Variants in SLC17A5 observed in about 807,000 individuals in gnomAD.
SLC17A5 encodes sialin.
In SLC17A5, 47 loss-of-function variants were observed where a neutral mutation model predicts 59.4. The ratio of observed to expected loss-of-function variants is 0.79; its 90% CI spans 0.63 to 1.01. The LOEUF (loss-of-function observed/expected upper bound fraction) is 1.01. Ranked by LOEUF, SLC17A5 falls within the 50% of genes least tolerant of loss-of-function variation. SLC17A5 has a pLI of 0.00. For missense variants in SLC17A5, 522 were observed against 595.5 expected (o/e 0.88, Z 1.28); for synonymous variants, 202 against 210.7 (o/e 0.96, Z 0.36).
rs560914145 is a variant in SLC17A5 at position 73,594,277 on chromosome 6, C to T, written c.*800G>A. On this transcript the variant is annotated 3_prime_UTR_variant, in exon 11 of 11. Transcript: ENST00000355773. ...TCATGATTCGCCCACCTCAGCCCCCCAAAGTGCTGGGATTACAGGCATGAG... is the reference window on the plus strand; with the variant it reads ...TCATGATTCGCCCACCTCAGCCCCCTAAAGTGCTGGGATTACAGGCATGAG... 6.6e-6 allele frequency: 1 copy of T among 152,446 alleles called. No homozygotes were observed. Among genetic ancestry groups the T allele is most frequent in the South Asian group, 2.1e-4 (1 of 4,828 alleles). 9.4% of individuals were successfully genotyped at this position (152,446 alleles called of 1,614,324 possible). A position where few individuals can be genotyped will look rare whatever the true frequency, so the allele number is the denominator to read the frequency against.
intron 8 of SLC17A5, among the ~76,000 whole-genome samples, chr6:73,611,233 G>C (rs1767625877): frequency 6.6e-6 from 1 of 152,136 alleles, no homozygotes; most frequent in Non-Finnish European, 1.5e-5. Context: ...GGTTGTCAGA[G>C]CAAGACCTTG....
intron 7 of SLC17A5, chr6:73,618,341 A>C: frequency 4.0e-6 from 1 of 252,672 alleles, no homozygotes. Flanking sequence ...ACCGACGAGA[A>C]CACACCTCTT....
At chr6:73,600,510 T>C (rs1767008521) in intron 9 of SLC17A5, 69 bp from the exon 10 acceptor site, 9 of 156,364 alleles carry the variant, frequency 5.8e-5, no homozygotes, top group Non-Finnish European at 7.9e-5. Flanking sequence ...CTTTCCTTCT[T>C]TTTTTTTTTT....
At chr6:73,636,567 A>G (rs1338847701) in intron 5 of SLC17A5, 54 bp downstream of exon 5, 1 of 993,922 alleles carries the variant, frequency 1.0e-6, no homozygotes, top group Admixed American at 1.7e-5. Context: ...TTAGGCTACT[A>G]TTATTACATT....
At chr6:73,618,119 C>T (rs1313397377) in intron 7 of SLC17A5, among the ~76,000 whole-genome samples, 1 of 151,810 alleles carries the variant, frequency 6.6e-6, no homozygotes, top group East Asian at 1.9e-4. Flanking sequence ...ATCTCAGGTA[C>T]TTGGGAGGCT....
intron 7 of SLC17A5, among the ~76,000 whole-genome samples, chr6:73,620,319 A>T (rs1288768124): frequency 1.3e-5 from 2 of 149,988 alleles, no homozygotes; most frequent in East Asian, 1.9e-4. Flanking sequence ...GCAATTAATC[A>T]CTGTAGTAGT....
At chr6:73,601,945 C>T (rs935051380) in intron 9 of SLC17A5, among the ~76,000 whole-genome samples, 4 of 151,954 alleles carry the variant, frequency 2.6e-5, no homozygotes, top group Non-Finnish European at 5.9e-5. Flanking sequence ...GTGTACCCAA[C>T]AGCTCATTGA....
intron 8 of SLC17A5, among the ~76,000 whole-genome samples, chr6:73,613,811 T>C (rs576143114): frequency 4.6e-5 from 7 of 152,178 alleles, no homozygotes; most frequent in South Asian, 2.1e-4. Flanking sequence ...TGTTGTGATA[T>C]TGTGATTTTA....
Position 73,644,604 on chromosome 6 carries a change from C to A in SLC17A5, c.95-1G>T. ...TAACGAGCAGAGCAGCACACTGGAG[C>A]TGAAATAAAGATTGGGGAAAATTTT... On this transcript the variant is annotated splice_acceptor_variant, in intron 1 of 10. Coordinates refer to ENST00000355773, the MANE Select transcript of SLC17A5 (RefSeq NM_012434.5). LOFTEE classifies it high-confidence loss of function. The A allele has an allele frequency of 6.2e-7, 1 of 1,612,576 alleles. No homozygotes were observed. Among genetic ancestry groups the A allele is most frequent in the South Asian group, 1.1e-5 (1 of 90,486 alleles).
At chr6:73,637,725 G>C (rs1769087174) in intron 4 of SLC17A5, among the ~76,000 whole-genome samples, 1 of 152,068 alleles carries the variant, frequency 6.6e-6, no homozygotes, top group South Asian at 2.1e-4. Context: ...TGCATGAATG[G>C]TTTGTTCTTA....
intron 9 of SLC17A5, among the ~76,000 whole-genome samples, chr6:73,601,642 G>A (rs1382467951): frequency 2.0e-5 from 2 of 97,702 alleles, no homozygotes; most frequent in Non-Finnish European, 4.3e-5. Context: ...GAGGTGGGGG[G>A]GGGTCAGCCC....
intron 9 of SLC17A5, among the ~76,000 whole-genome samples, chr6:73,606,612 G>T (rs1767401982): frequency 6.6e-6 from 1 of 152,128 alleles, no homozygotes; most frequent in Non-Finnish European, 1.5e-5. Flanking sequence ...CTCAGGCACA[G>T]GATCCCCCTG....
At chr6:73,605,940 G>T (rs1325487286) in intron 9 of SLC17A5, among the ~76,000 whole-genome samples, 1 of 152,002 alleles carries the variant, frequency 6.6e-6, no homozygotes, top group African/African-American at 2.4e-5. Context: ...TTGCACCATT[G>T]CACTCCAGCC....
chr6:73,638,262 T>C (rs1184603091), intron 4 of SLC17A5, 150 bp downstream of exon 4: 7 of 646,882 alleles, frequency 1.1e-5, no homozygotes, highest in Non-Finnish European at 1.9e-5. Context: ...AAGAGAAAAA[T>C]TGGTAATAAA....
intron 1 of SLC17A5, among the ~76,000 whole-genome samples, chr6:73,647,734 T>A (rs1581992732): frequency 6.6e-6 from 1 of 152,276 alleles, no homozygotes; most frequent in East Asian, 1.9e-4. Flanking sequence ...AAGTTATAGA[T>A]CAGGCAACTT....
chr6:73,641,790 C>A lies in SLC17A5; in HGVS notation c.426G>T (p.Gly142=). The change falls in exon 3 of 11, where the codon GGG becomes GGT. Residue 142 remains glycine (G), a synonymous_variant. Transcript: ENST00000355773. ...GGGTGAGGACAGCAGTGCCAAGGAT[C>A]CCAAATCCTAGCAGCATTTTCCCCC... ...KIGGKMLLGF[G]ILGTAVLTLF... 1 of 1,614,134 alleles carries A rather than the reference C, an allele frequency of 6.2e-7. No homozygotes were observed.
At chr6:73,597,203 T>C (rs555779622) in intron 10 of SLC17A5, among the ~76,000 whole-genome samples, 262 of 148,286 alleles carry the variant, frequency 1.8e-3, no homozygotes, top group African/African-American at 5.9e-3. Context: ...CGTGGTGGCT[T>C]ACGCCTGTAA....
chr6:73,647,963 G>A (rs1348809295), intron 1 of SLC17A5, among the ~76,000 whole-genome samples: 2 of 152,118 alleles, frequency 1.3e-5, no homozygotes, highest in Non-Finnish European at 2.9e-5. Context: ...CAGCTACTCG[G>A]GAGGTTGAGG....
intron 1 of SLC17A5, among the ~76,000 whole-genome samples, chr6:73,650,379 G>A (rs1251781329): frequency 6.6e-6 from 1 of 150,802 alleles, no homozygotes; most frequent in Non-Finnish European, 1.5e-5. Flanking sequence ...CGTGGTGGCG[G>A]GTGCCTGTAG....
Sources: gnomAD v4.1 joint callset for allele counts (sites outside exome capture counted in the v4.1 genomes callset) on GRCh38, gnomAD v4.1.1 for gene constraint, MANE v1.5 for transcripts, NCBI Gene and HGNC (gene_info 2026-07-23, HGNC 2026-07-21) for gene names.